The following CDK6 variants were observed in gnomAD, a reference collection of about 807,000 sequenced individuals.
CDK6 encodes the protein cyclin dependent kinase 6.
CDK6 carries 6 observed loss-of-function variants against 37.1 expected under a neutral mutation model. The observed-to-expected ratio is 0.16, with a 90% CI of 0.09 to 0.32. The LOEUF (loss-of-function observed/expected upper bound fraction) is 0.32, where lower values mean the gene tolerates loss of function less well. Ranked by LOEUF, CDK6 falls within the 10% of genes least tolerant of loss-of-function variation. The pLI, the probability that CDK6 is intolerant of heterozygous loss-of-function variation, is 1.00. For synonymous variants in CDK6, 160 were observed against 161.3 expected, an observed-to-expected ratio of 0.99 and a Z score of 0.06; for missense variants, 224 against 418.9, an observed-to-expected ratio of 0.53 and a Z score of 4.06.
rs376837031 is a variant in CDK6, at chr7:92,608,309, T to C, written c.*6831A>G. On this transcript the variant is annotated 3_prime_UTR_variant, in exon 8 of 8. Coordinates refer to ENST00000424848, the MANE Select transcript of CDK6 (RefSeq NM_001145306.2). The stretch of plus-strand genomic sequence containing the variant: ...CTCACACGGAAGATTCCTCTCAACA[T>C]GAAAATCCCCTGCTACATGAGATAA... 22 of 232,034 alleles carry C rather than the reference T, an allele frequency of 9.5e-5. No individual in the cohort carries two copies. Among genetic ancestry groups the C allele is most frequent in the African/African-American group, 4.6e-4 (21 of 45,380 alleles). The allele number at this position is 232,034 out of a possible 1,614,324, so 14.4% of individuals were successfully genotyped here. A position where few individuals can be genotyped will look rare whatever the true frequency, so the allele number is the denominator to read the frequency against.
At chr7:92,810,335 G>C (rs978955538) in intron 2 of CDK6, among the ~76,000 whole-genome samples, 1 of 152,182 alleles carries the variant, frequency 6.6e-6, no homozygotes, top group Admixed American at 6.5e-5. Flanking sequence ...TGAAACACTT[G>C]TAGTATTAGG....
chr7:92,731,106 C>T (rs1798637385), intron 3 of CDK6, among the ~76,000 whole-genome samples: 1 of 152,198 alleles, frequency 6.6e-6, no homozygotes, highest in South Asian at 2.1e-4. Flanking sequence ...ACTGCAGGTC[C>T]CCACATCAAG....
At chr7:92,719,045 T>C (rs986644356) in intron 4 of CDK6, among the ~76,000 whole-genome samples, 1 of 152,218 alleles carries the variant, frequency 6.6e-6, no homozygotes, top group African/African-American at 2.4e-5. Context: ...CGAGGTTCCG[T>C]TAGTGTTACT....
intron 2 of CDK6, among the ~76,000 whole-genome samples, chr7:92,819,889 AAAG>A (rs1290238837): frequency 6.6e-6 from 1 of 152,060 alleles, no homozygotes; most frequent in Non-Finnish European, 1.5e-5. Flanking sequence ...AAAAAGATTA[AAAG>A]AAGAGACACA....
chr7:92,785,655 A>AC (rs1800111968), intron 2 of CDK6, among the ~76,000 whole-genome samples: 1 of 152,180 alleles, frequency 6.6e-6, no homozygotes, highest in South Asian at 2.1e-4. Context: ...CTTTGAAATC[A>AC]GACTGTCTGG....
intron 3 of CDK6, 61 bp downstream of exon 3, chr7:92,774,635 C>A (rs1317968843): frequency 1.4e-6 from 2 of 1,384,820 alleles, no homozygotes; most frequent in Non-Finnish European, 1.9e-6. Flanking sequence ...GAAAGAAAGC[C>A]ATTGCTTAAC....
intron 2 of CDK6, among the ~76,000 whole-genome samples, chr7:92,830,678 TTG>T (rs1801454409): frequency 6.6e-6 from 1 of 152,148 alleles, no homozygotes; most frequent in Non-Finnish European, 1.5e-5. Context: ...GGACCAATGG[TTG>T]TTTCAAGGCA....
Position 92,807,117 on chromosome 7 carries a change from T to C in CDK6, c.233+25974A>G, listed in dbSNP as rs536128209. On this transcript the variant is annotated intron_variant, in intron 2 of 7. Coordinates refer to ENST00000424848, the MANE Select transcript of CDK6 (RefSeq NM_001145306.2). Reference sequence around the variant, plus strand: ...CTGTTCCCCTTAACCTCATTTATTCTTTCTACCTAATCTTGAGAGCCTCTA... The same window carrying C: ...CTGTTCCCCTTAACCTCATTTATTCCTTCTACCTAATCTTGAGAGCCTCTA... 2.6e-5 allele frequency among the ~76,000 whole-genome samples: 4 copies of C among 152,316 alleles called. No individual in the cohort carries two copies. The East Asian group carries it at 5.8e-4, about 22-fold the overall frequency.
intron 3 of CDK6, among the ~76,000 whole-genome samples, chr7:92,768,326 A>T (rs531867812): frequency 6.6e-6 from 1 of 152,344 alleles, no homozygotes; most frequent in East Asian, 1.9e-4. Flanking sequence ...AACTATTTTA[A>T]GTCAAATTGC....
chr7:92,621,132 GTGA>G (rs929527460), intron 6 of CDK6, among the ~76,000 whole-genome samples: 2 of 152,242 alleles, frequency 1.3e-5, no homozygotes, highest in African/African-American at 4.8e-5. Context: ...ATAAATGGCA[GTGA>G]TGGAGGAGAC....
At chr7:92,730,830 G>A (rs1798629219) in intron 3 of CDK6, among the ~76,000 whole-genome samples, 1 of 152,156 alleles carries the variant, frequency 6.6e-6, no homozygotes. Flanking sequence ...TGTGAATATT[G>A]CTGCTATGAA....
At chr7:92,714,647 A>T (rs1487713315) in intron 4 of CDK6, among the ~76,000 whole-genome samples, 1 of 152,168 alleles carries the variant, frequency 6.6e-6, no homozygotes, top group African/African-American at 2.4e-5. Context: ...TGTAGTCTTG[A>T]TCTTTCATCC....
chr7:92,674,645 C>T (rs1351578312), intron 4 of CDK6, among the ~76,000 whole-genome samples: 1 of 152,190 alleles, frequency 6.6e-6, no homozygotes, highest in Admixed American at 6.5e-5. Flanking sequence ...CCCTGACACA[C>T]TGTAAACAAA....
At chr7:92,745,700 T>G (rs190315770) in intron 3 of CDK6, among the ~76,000 whole-genome samples, 1 of 152,188 alleles carries the variant, frequency 6.6e-6, no homozygotes. Flanking sequence ...AAAATAACTT[T>G]CCATGAAAAA....
chr7:92,717,788 C>A (rs1798267075), intron 4 of CDK6, among the ~76,000 whole-genome samples: 1 of 152,192 alleles, frequency 6.6e-6, no homozygotes, highest in African/African-American at 2.4e-5. Context: ...ATTCACTTCG[C>A]AAATCCACTT....
At position 92,685,560 on chromosome 7, in the gene CDK6, G is replaced by A. The variant is rs373286587; in HGVS notation, c.538-14025C>T. Among the ~76,000 whole-genome samples the A allele has an allele frequency of 2.8e-4, 42 of 152,254 alleles. No individual in the cohort carries two copies. The South Asian group carries it at 7.3e-3, about 26-fold the overall frequency. ...TTCTTTTATCCTGGAAACTGTTAGG[G>A]CTTTCAAAATGGCCTAAGAAATATT... On this transcript the variant is annotated intron_variant, in intron 4 of 7. Transcript: ENST00000424848.
At chr7:92,738,215 G>C (rs1798832631) in intron 3 of CDK6, among the ~76,000 whole-genome samples, 1 of 152,146 alleles carries the variant, frequency 6.6e-6, no homozygotes, top group South Asian at 2.1e-4. Context: ...GTCAGGAAAA[G>C]CATGGAGGTG....
chr7:92,761,516 G>A (rs1372381137), intron 3 of CDK6, among the ~76,000 whole-genome samples: 1 of 152,124 alleles, frequency 6.6e-6, no homozygotes, highest in South Asian at 2.1e-4. Flanking sequence ...CCTCTGAACA[G>A]TATCTCCATT....
intron 2 of CDK6, among the ~76,000 whole-genome samples, chr7:92,781,004 G>C (rs1206498799): frequency 1.3e-5 from 2 of 152,014 alleles, no homozygotes; most frequent in Non-Finnish European, 2.9e-5. Flanking sequence ...TATTGAATAT[G>C]AACAAAATAT....
Sources: allele counts gnomAD v4.1 joint callset (sites outside exome capture counted in the v4.1 genomes callset), GRCh38; gene constraint gnomAD v4.1.1; transcripts MANE v1.5; gene names NCBI Gene and HGNC (gene_info 2026-07-23, HGNC 2026-07-21).